AGO3: variants seen among roughly 807,000 people sequenced by gnomAD.
AGO3 encodes protein argonaute-3.
Under a neutral mutation model 105.5 loss-of-function variants are expected in AGO3, and 16 were observed. The ratio of observed to expected loss-of-function variants is 0.15; its 90% confidence interval spans 0.10 to 0.23. AGO3 has a LOEUF of 0.23. Among genes scored for constraint, AGO3 ranks in the 10% least tolerant of loss-of-function variants. The pLI is 1.00. For missense variants in AGO3, 534 were observed against 1,088.0 expected, an observed-to-expected ratio of 0.49 and a Z score of 7.16; for synonymous variants, 340 against 367.3, an observed-to-expected ratio of 0.93 and a Z score of 0.85.
chr1:36,040,204 G>A (rs186888721), intron 15 of AGO3, 103 bp from the exon 16 acceptor site: 1 of 1,312,584 alleles, frequency 7.6e-7, no homozygotes, highest in Admixed American at 2.4e-5. Context: ...TAGCTATAGA[G>A]TGGTGAAATT....
chr1:36,015,295 GT>G (rs1640847621), intron 11 of AGO3, among the ~76,000 whole-genome samples: 1 of 152,236 alleles, frequency 6.6e-6, no homozygotes, highest in African/African-American at 2.4e-5. Flanking sequence ...TGGGGACGGA[GT>G]GTGGAGTTTA....
intron 5 of AGO3, among the ~76,000 whole-genome samples, chr1:35,981,461 GT>G (rs1325144183): frequency 6.6e-6 from 1 of 152,038 alleles, no homozygotes. Context: ...AACTTAAGGG[GT>G]TTAAGTAATA....
chr1:36,038,550 C>T (rs1158539052), intron 14 of AGO3, among the ~76,000 whole-genome samples: 2 of 152,008 alleles, frequency 1.3e-5, no homozygotes, highest in Non-Finnish European at 1.5e-5. Flanking sequence ...CTACCGTGCC[C>T]GGCCTGGATT....
chr1:35,955,223 G>A (rs1354546811), intron 2 of AGO3, among the ~76,000 whole-genome samples: 1 of 152,206 alleles, frequency 6.6e-6, no homozygotes, highest in Non-Finnish European at 1.5e-5. Flanking sequence ...GTGAATGAGA[G>A]ATGAGAAAGA....
intron 17 of AGO3, among the ~76,000 whole-genome samples, chr1:36,048,210 G>A (rs183845602): frequency 1.3e-5 from 2 of 152,094 alleles, no homozygotes; most frequent in Admixed American, 1.3e-4. Context: ...TGTGAGCTCA[G>A]GAGGCAGAGG....
intron 17 of AGO3, among the ~76,000 whole-genome samples, chr1:36,050,804 A>G (rs1642684951): frequency 6.6e-6 from 1 of 151,728 alleles, no homozygotes; most frequent in African/African-American, 2.4e-5. Flanking sequence ...AAAAAAAAAA[A>G]AAAAAAGATA....
intron 17 of AGO3, among the ~76,000 whole-genome samples, chr1:36,052,855 TAAA>T (rs1187207281): frequency 6.6e-6 from 1 of 151,856 alleles, no homozygotes; most frequent in Non-Finnish European, 1.5e-5. Context: ...CTATAAAAAA[TAAA>T]AAAATTAGCT....
At chr1:35,967,321 T>C (rs1479267105) in intron 3 of AGO3, among the ~76,000 whole-genome samples, 3 of 152,168 alleles carry the variant, frequency 2.0e-5, no homozygotes, top group Non-Finnish European at 4.4e-5. Context: ...TTATTTTTTT[T>C]CTTTCTCTCT....
Position 36,004,380 on chromosome 1 carries a change from A to G in AGO3, c.698A>G (p.Gln233Arg), listed in dbSNP as rs768360545. 4 of 1,610,090 alleles carry G rather than the reference A, an allele frequency of 2.5e-6. No individual in the cohort carries two copies. Among genetic ancestry groups the G allele is most frequent in the Non-Finnish European group, 3.4e-6 (4 of 1,177,532 alleles). ...TAFYKAQPVIQFMCEVLDIHN... is the reference protein window; with the variant it reads ...TAFYKAQPVIRFMCEVLDIHN... Reference sequence around the variant, plus strand: ...TTCTACAAAGCACAACCTGTAATTCAGTTCATGTGTGAAGTTCTTGATATT... The same window carrying G: ...TTCTACAAAGCACAACCTGTAATTCGGTTCATGTGTGAAGTTCTTGATATT... The change falls in exon 6 of 19, where the codon CAG becomes CGG. Residue 233 changes from glutamine (Q) to arginine (R), a missense_variant. Transcript: ENST00000373191.
At chr1:36,049,783 G>A (rs1642627093) in intron 17 of AGO3, among the ~76,000 whole-genome samples, 1 of 152,060 alleles carries the variant, frequency 6.6e-6, no homozygotes, top group South Asian at 2.1e-4. Context: ...AGACAAAACA[G>A]ACTTTAAGTC....
chr1:35,977,517 T>A (rs1646975693), intron 5 of AGO3, among the ~76,000 whole-genome samples: 1 of 151,320 alleles, frequency 6.6e-6, no homozygotes, highest in South Asian at 2.1e-4. Context: ...TACAGCCTCC[T>A]GAGCAGCTGG....
At chr1:36,036,094 G>A in intron 13 of AGO3, 83 bp from the exon 14 acceptor site, 2 of 1,225,984 alleles carry the variant, frequency 1.6e-6, no homozygotes, top group Non-Finnish European at 2.4e-6. Context: ...TCAATAACTT[G>A]AAGTTACGTT....
At chr1:35,942,819 A>G (rs1371037598) in intron 1 of AGO3, among the ~76,000 whole-genome samples, 1 of 152,194 alleles carries the variant, frequency 6.6e-6, no homozygotes, top group Non-Finnish European at 1.5e-5. Flanking sequence ...TTGTGCAGCC[A>G]ATCTGCACAA....
chr1:36,030,410 G>A (rs1055146128), intron 12 of AGO3, among the ~76,000 whole-genome samples: 25 of 151,732 alleles, frequency 1.6e-4, no homozygotes, highest in African/African-American at 6.1e-4. Context: ...GGCTGAGATA[G>A]GAAGATCACT....
intron 17 of AGO3, among the ~76,000 whole-genome samples, chr1:36,053,816 T>C (rs985591339): frequency 1.4e-5 from 2 of 143,470 alleles, no homozygotes; most frequent in Non-Finnish European, 3.0e-5. Context: ...TGGTGCGATC[T>C]CGGCTCACTG....
intron 2 of AGO3, among the ~76,000 whole-genome samples, chr1:35,951,594 G>T (rs956519392): frequency 6.6e-6 from 1 of 152,124 alleles, no homozygotes; most frequent in African/African-American, 2.4e-5. Flanking sequence ...TAGCTATGTT[G>T]CCCAGGCTGG....
rs375411955 is a variant in AGO3, at chr1:36,002,324, A to ATTTTT, written c.659-1998_659-1994dup. On this transcript the variant is annotated intron_variant, in intron 5 of 18. Transcript: ENST00000373191. The stretch of plus-strand genomic sequence containing the variant: ...TGAGCCACTGTACCCAGCCAAGATA[A>ATTTTT]TTTTTTTTTTTTTTTTTTTTTTTGA... Among the ~76,000 whole-genome samples, 5 of 119,220 alleles carry ATTTTT rather than the reference A, an allele frequency of 4.2e-5. No homozygotes were observed. In the South Asian group the frequency reaches 1.0e-3, roughly 24 times the overall value. 78.2% of individuals were successfully genotyped at this position (119,220 alleles called of 152,430 possible). A position where few individuals can be genotyped will look rare whatever the true frequency, so the allele number is the denominator to read the frequency against.
intron 17 of AGO3, among the ~76,000 whole-genome samples, chr1:36,049,516 CA>C (rs755478576): frequency 2.5e-3 from 322 of 127,630 alleles, no homozygotes; most frequent in Admixed American, 2.5e-3. Flanking sequence ...GGCTCTATCT[CA>C]AAAAAAAAAA....
At chr1:35,949,688 C>T (rs1038763606) in intron 2 of AGO3, among the ~76,000 whole-genome samples, 2 of 152,238 alleles carry the variant, frequency 1.3e-5, no homozygotes, top group Non-Finnish European at 2.9e-5. Flanking sequence ...GTGGCACAAT[C>T]ATAGCACACT....
Sources: allele counts gnomAD v4.1 joint callset (sites outside exome capture counted in the v4.1 genomes callset), GRCh38; gene constraint gnomAD v4.1.1; transcripts MANE v1.5; gene names NCBI Gene and HGNC (gene_info 2026-07-23, HGNC 2026-07-21).